DRC1: variants seen among roughly 807,000 people sequenced by gnomAD.
DRC1 encodes dynein regulatory complex subunit 1.
DRC1 carries 74 observed loss-of-function variants against 98.7 expected under a neutral mutation model. That is an observed-to-expected ratio of 0.75 (90% CI 0.62 to 0.91). The LOEUF is 0.91. Ranked by LOEUF, DRC1 falls within the 40% of genes least tolerant of loss-of-function variation. DRC1 has a pLI of 0.00. For synonymous variants in DRC1, 336 were observed against 334.1 expected (o/e 1.01, Z -0.06); for missense variants, 875 against 886.0 (o/e 0.99, Z 0.16).
chr2:26,430,113 G>A lies in DRC1; in HGVS notation c.678+348G>A, dbSNP rs1224242350. ...TAAGTGTTTTGAAGGAAAATAAGACGAGCAAGAGGTTGGGGAATAAAAAAG... is the reference window on the plus strand; with the variant it reads ...TAAGTGTTTTGAAGGAAAATAAGACAAGCAAGAGGTTGGGGAATAAAAAAG... On this transcript the variant is annotated intron_variant, in intron 5 of 16. Coordinates refer to ENST00000288710, the MANE Select transcript of DRC1 (RefSeq NM_145038.5). 5.3e-5 allele frequency among the ~76,000 whole-genome samples: 8 copies of A among 152,224 alleles called. No individual in the cohort carries two copies. In the South Asian group the frequency reaches 8.3e-4, roughly 16 times the overall value.
At chr2:26,452,855 G>A (rs543107853) in intron 13 of DRC1, among the ~76,000 whole-genome samples, 50 of 152,192 alleles carry the variant, frequency 3.3e-4, no homozygotes, top group Non-Finnish European at 5.6e-4. Context: ...AAAGGTATGC[G>A]CATGTATTTA....
intron 7 of DRC1, among the ~76,000 whole-genome samples, chr2:26,433,577 T>C (rs1410379734): frequency 6.6e-6 from 1 of 152,262 alleles, no homozygotes; most frequent in Non-Finnish European, 1.5e-5. Context: ...GTTTCTGTGA[T>C]AATTTATGTG....
At chr2:26,451,176 G>A (rs1453723096) in intron 13 of DRC1, among the ~76,000 whole-genome samples, 1 of 152,084 alleles carries the variant, frequency 6.6e-6, no homozygotes, top group Admixed American at 6.6e-5. Flanking sequence ...TTGTCTCTTT[G>A]TAAAGGGAAG....
At chr2:26,445,345 T>C (rs911252428) in intron 10 of DRC1, among the ~76,000 whole-genome samples, 3 of 152,358 alleles carry the variant, frequency 2.0e-5, no homozygotes, top group African/African-American at 7.2e-5. Flanking sequence ...AACAGAATAC[T>C]TCTTAAAAGA....
At chr2:26,446,405 C>T (rs76019514) in intron 10 of DRC1, among the ~76,000 whole-genome samples, 3,864 of 152,158 alleles carry the variant, frequency 0.025, 168 homozygotes, top group African/African-American at 0.086. Context: ...TATTTAGAAA[C>T]CACGCTGTGG....
chr2:26,453,561 G>A lies in DRC1; in HGVS notation c.1919+12G>A. 1 of 1,610,172 alleles carries A rather than the reference G, an allele frequency of 6.2e-7. No individual in the cohort carries two copies. The highest frequency in any genetic ancestry group is 8.5e-7 in the Non-Finnish European group (1 of 1,177,632). On this transcript the variant is annotated intron_variant, in intron 14 of 16. Coordinates refer to ENST00000288710, the MANE Select transcript of DRC1 (RefSeq NM_145038.5). The stretch of plus-strand genomic sequence containing the variant: ...CTGAAGAAGCCTAGGTGGGCTGCGG[G>A]GCTGGAAGGCTTGCCTGAGACCAGA...
chr2:26,406,699 G>A (rs368861029), intron 1 of DRC1, among the ~76,000 whole-genome samples: 1 of 151,342 alleles, frequency 6.6e-6, no homozygotes, highest in Non-Finnish European at 1.5e-5. Context: ...ATGACAGAAC[G>A]AGACTCCTTC....
intron 16 of DRC1, 84 bp downstream of exon 16, chr2:26,455,317 G>GGGGACTCCTCGT: frequency 7.6e-7 from 1 of 1,309,252 alleles, no homozygotes; most frequent in Non-Finnish European, 1.1e-6. Context: ...GGAACGAGGA[G>GGGGACTCCTCGT]TCCCCTCCCC....
In DRC1 at chr2:26,454,652, C is replaced by A. The variant is rs546870871; in HGVS notation, c.1925C>A (p.Ser642Ter). Reference protein sequence around the residue: ...FVMGLKKPRDSRAPLRVQKNV... With the variant: ...FVMGLKKPRD Reference sequence around the variant, plus strand: ...ACTGTGCTCTTGGCCTTCAGGGACTCGCGGGCCCCGCTGAGGGTACAGAAG... The same window carrying A: ...ACTGTGCTCTTGGCCTTCAGGGACTAGCGGGCCCCGCTGAGGGTACAGAAG... Residue 642 changes from serine (S) to a stop codon, truncating the protein, a stop_gained, in exon 15 of 17, where the codon TCG becomes TAG. Transcript: ENST00000288710. LOFTEE classifies it high-confidence loss of function. This position sits in a 1 kb window ranked among gnomAD's most constrained non-coding sequence, Gnocchi z 5.2. 1.2e-6 allele frequency: 2 copies of A among 1,614,020 alleles called. No homozygotes were observed. The highest frequency in any genetic ancestry group is 1.7e-6 in the Non-Finnish European group (2 of 1,180,002).
intron 4 of DRC1, among the ~76,000 whole-genome samples, chr2:26,429,182 GA>G (rs1663362616): frequency 6.8e-6 from 1 of 146,100 alleles, no homozygotes; most frequent in African/African-American, 2.6e-5. Flanking sequence ...TCTTTGTACA[GA>G]TGATTATTAT....
intron 7 of DRC1, among the ~76,000 whole-genome samples, chr2:26,432,846 A>G (rs946934859): frequency 1.3e-5 from 2 of 152,226 alleles, no homozygotes; most frequent in African/African-American, 4.8e-5. Flanking sequence ...AGAAATCTGA[A>G]GCTTAGAGAC....
chr2:26,429,619 C>T lies in DRC1; in HGVS notation c.541-9C>T. ...GTTTGTGGCCAGACTTTTACATGCTCTTTTCTAGGAGTTAAAAACAAAGGA... is the reference window on the plus strand; with the variant it reads ...GTTTGTGGCCAGACTTTTACATGCTTTTTTCTAGGAGTTAAAAACAAAGGA... On this transcript the variant is annotated splice_polypyrimidine_tract_variant and intron_variant, in intron 4 of 16. Coordinates refer to ENST00000288710, the MANE Select transcript of DRC1 (RefSeq NM_145038.5). 2 of 1,613,222 alleles carry T rather than the reference C, an allele frequency of 1.2e-6. No homozygotes were observed. The highest frequency in any genetic ancestry group is 1.7e-6 in the Non-Finnish European group (2 of 1,179,654).
intron 1 of DRC1, among the ~76,000 whole-genome samples, chr2:26,411,042 AAGTAG>A (rs1171410911): frequency 1.3e-5 from 2 of 152,174 alleles, no homozygotes; most frequent in East Asian, 1.9e-4. Context: ...ATTGGTCAGG[AAGTAG>A]AGTATTCAAG....
intron 3 of DRC1, among the ~76,000 whole-genome samples, chr2:26,421,693 T>A (rs1461006125): frequency 6.6e-6 from 1 of 151,924 alleles, no homozygotes; most frequent in Non-Finnish European, 1.5e-5. Flanking sequence ...CCTGAGTAGC[T>A]GGGATTACAG....
At chr2:26,432,995 C>G (rs550025384) in intron 7 of DRC1, among the ~76,000 whole-genome samples, 5 of 152,284 alleles carry the variant, frequency 3.3e-5, no homozygotes, top group African/African-American at 9.6e-5. Flanking sequence ...TTCTGACTAT[C>G]AGAAATAAGC....
chr2:26,447,388 G>A lies in DRC1; in HGVS notation c.1397-1303G>A, dbSNP rs922958949. The stretch of plus-strand genomic sequence containing the variant: ...AGATTATGCCACTGCACTGCAGCCT[G>A]GGTGACAGAGCGAGACTCTGTCTCA... On this transcript the variant is annotated intron_variant, in intron 10 of 16. Coordinates refer to ENST00000288710, the MANE Select transcript of DRC1 (RefSeq NM_145038.5). 1.4e-4 allele frequency among the ~76,000 whole-genome samples: 21 copies of A among 152,122 alleles called. 1 individual carries two copies. Among genetic ancestry groups the A allele is most frequent in the Non-Finnish European group, 2.8e-4 (19 of 68,030 alleles).
rs569787590 is a variant in DRC1 at position 26,418,558 on chromosome 2, TTA to T, written c.244-2723_244-2722del. Among the ~76,000 whole-genome samples, 696 of 93,852 alleles carry T rather than the reference TTA, an allele frequency of 7.4e-3. 22 individuals are homozygous for T. The South Asian group carries it at 0.087, about 12-fold the overall frequency. 61.6% of individuals were successfully genotyped at this position (93,852 alleles called of 152,430 possible). A position where few individuals can be genotyped will look rare whatever the true frequency, so the allele number is the denominator to read the frequency against. ...CAATATATTATAAATTATATATAAT[TTA>T]TATATAATATATATTATATATAAAT... is the stretch of plus-strand genomic sequence containing the variant. On this transcript the variant is annotated intron_variant, in intron 2 of 16. Coordinates refer to ENST00000288710, the MANE Select transcript of DRC1 (RefSeq NM_145038.5).
At chr2:26,426,358 T>G (rs367653147) in intron 4 of DRC1, among the ~76,000 whole-genome samples, 9 of 150,532 alleles carry the variant, frequency 6.0e-5, no homozygotes, top group African/African-American at 2.2e-4. Context: ...CTTTGCAGTT[T>G]TGTTTTTGTT....
At chr2:26,417,537 C>T (rs570906853) in intron 2 of DRC1, among the ~76,000 whole-genome samples, 2 of 152,252 alleles carry the variant, frequency 1.3e-5, no homozygotes, top group East Asian at 1.9e-4. Flanking sequence ...CCATGTTGGC[C>T]AGGCTGGTCT....
Sources: gnomAD v4.1 joint callset for allele counts (sites outside exome capture counted in the v4.1 genomes callset) on GRCh38, gnomAD v4.1.1 for gene constraint, Gnocchi (gnomAD v3.1) non-coding constraint, MANE v1.5 for transcripts, NCBI Gene and HGNC (gene_info 2026-07-23, HGNC 2026-07-21) for gene names.